The following PITPNC1 variants were observed in gnomAD, a reference collection of about 807,000 sequenced individuals.
PITPNC1 encodes phosphatidylinositol transfer protein cytoplasmic 1.
Under a neutral mutation model 44.7 loss-of-function variants are expected in PITPNC1, and 18 were observed. The observed-to-expected ratio is 0.40, with a 90% CI of 0.28 to 0.60. The LOEUF is 0.60. Among genes scored for constraint, PITPNC1 ranks in the 20% least tolerant of loss-of-function variants. The pLI, the probability that PITPNC1 is intolerant of heterozygous loss-of-function variation, is 0.39. For synonymous variants in PITPNC1, 141 were observed against 149.6 expected, an observed-to-expected ratio of 0.94 and a Z score of 0.42; for missense variants, 290 against 418.4, an observed-to-expected ratio of 0.69 and a Z score of 2.68.
intron 1 of PITPNC1, among the ~76,000 whole-genome samples, chr17:67,481,005 G>A (rs1291217443): frequency 6.6e-6 from 1 of 152,180 alleles, no homozygotes; most frequent in South Asian, 2.1e-4. Flanking sequence ...TCAGGAGTTC[G>A]AGACCAGCCT....
chr17:67,495,201 C>G (rs927471729), intron 1 of PITPNC1, among the ~76,000 whole-genome samples: 5 of 151,234 alleles, frequency 3.3e-5, no homozygotes, highest in African/African-American at 1.2e-4. Flanking sequence ...GGGCTACAGG[C>G]GCTCGCCACC....
chr17:67,469,824 G>T (rs2039488290), intron 1 of PITPNC1, among the ~76,000 whole-genome samples: 2 of 152,134 alleles, frequency 1.3e-5, no homozygotes, highest in South Asian at 4.2e-4. Flanking sequence ...CTATAGAGAG[G>T]CTCAGGAGGA....
intron 1 of PITPNC1, among the ~76,000 whole-genome samples, chr17:67,432,132 G>A (rs934368178): frequency 6.6e-6 from 1 of 152,162 alleles, no homozygotes; most frequent in Non-Finnish European, 1.5e-5. Flanking sequence ...TTTAGAACAT[G>A]GGTGTCCAAA....
chr17:67,419,153 G>C (rs1382869738), intron 1 of PITPNC1, among the ~76,000 whole-genome samples: 1 of 142,470 alleles, frequency 7.0e-6, no homozygotes, highest in East Asian at 1.9e-4. Context: ...AGCATGCTTG[G>C]GGGAGAAGGA....
chr17:67,445,314 GT>G (rs1166806980), intron 1 of PITPNC1, among the ~76,000 whole-genome samples: 1 of 151,974 alleles, frequency 6.6e-6, no homozygotes, highest in Non-Finnish European at 1.5e-5. Flanking sequence ...TTTATTCTGT[GT>G]TTTGGGAGGA....
intron 4 of PITPNC1, among the ~76,000 whole-genome samples, chr17:67,562,387 C>T (rs917574052): frequency 2.6e-5 from 4 of 152,066 alleles, no homozygotes; most frequent in Non-Finnish European, 5.9e-5. Context: ...TCCTCTCACC[C>T]TCCTCCACAT....
chr17:67,657,982 G>A (rs143535770), intron 6 of PITPNC1, among the ~76,000 whole-genome samples: 230 of 152,338 alleles, frequency 1.5e-3, no homozygotes, highest in Non-Finnish European at 2.7e-3. Flanking sequence ...CTCAAACTCA[G>A]CTGTCATTGA....
At chr17:67,666,715 C>T (rs1198270556) in intron 6 of PITPNC1, among the ~76,000 whole-genome samples, 1 of 152,146 alleles carries the variant, frequency 6.6e-6, no homozygotes, top group Admixed American at 6.5e-5. Context: ...CTGGCGTCAG[C>T]TGGCATGGAA....
At chr17:67,573,556 CTTTTTTT>C (rs35434515) in intron 4 of PITPNC1, among the ~76,000 whole-genome samples, 1 of 84,048 alleles carries the variant, frequency 1.2e-5, no homozygotes, top group South Asian at 4.4e-4. Context: ...ACTGAATACT[CTTTTTTT>C]TTTTTTTTTT....
intron 7 of PITPNC1, among the ~76,000 whole-genome samples, chr17:67,673,966 C>CAA (rs34458518): frequency 1.7e-3 from 141 of 84,722 alleles, no homozygotes; most frequent in South Asian, 3.0e-3. Flanking sequence ...GACTCCGTCT[C>CAA]AAAAAAAAAA....
At chr17:67,635,032 G>C (rs1430638384) in intron 6 of PITPNC1, among the ~76,000 whole-genome samples, 2 of 152,166 alleles carry the variant, frequency 1.3e-5, no homozygotes, top group East Asian at 1.9e-4. Context: ...ACAGTGAGCC[G>C]AGATGGCACC....
At chr17:67,669,332 T>C (rs2042474606) in intron 6 of PITPNC1, among the ~76,000 whole-genome samples, 176 bp from the exon 7 acceptor site, 1 of 152,188 alleles carries the variant, frequency 6.6e-6, no homozygotes, top group Non-Finnish European at 1.5e-5. Flanking sequence ...GTCAGGCTGG[T>C]CTTGAACTCC....
intron 5 of PITPNC1, among the ~76,000 whole-genome samples, chr17:67,615,239 C>T (rs1409650663): frequency 6.6e-6 from 1 of 152,218 alleles, no homozygotes; most frequent in Non-Finnish European, 1.5e-5. Context: ...GAACAAGTAA[C>T]GATTTGTTCC....
chr17:67,460,519 G>A (rs1056157842), intron 1 of PITPNC1, among the ~76,000 whole-genome samples: 1 of 151,812 alleles, frequency 6.6e-6, no homozygotes, highest in Non-Finnish European at 1.5e-5. Context: ...TGTCTCTCGG[G>A]CTCAAGCAAT....
intron 1 of PITPNC1, among the ~76,000 whole-genome samples, chr17:67,427,720 T>C (rs180989237): frequency 1.3e-5 from 2 of 152,162 alleles, no homozygotes; most frequent in African/African-American, 2.4e-5. Flanking sequence ...ATTTAACAAG[T>C]AGAAACAAAA....
intron 1 of PITPNC1, among the ~76,000 whole-genome samples, chr17:67,390,659 A>G (rs56276582): frequency 0.19 from 28,202 of 152,132 alleles, 3,274 homozygotes; most frequent in South Asian, 0.32. Flanking sequence ...CCTCATCTCA[A>G]TAGTGTCTGT....
At chr17:67,496,928 G>T (rs933374487) in intron 1 of PITPNC1, among the ~76,000 whole-genome samples, 2 of 150,728 alleles carry the variant, frequency 1.3e-5, no homozygotes, top group Non-Finnish European at 3.0e-5. Context: ...AAAAAAAAAA[G>T]TGCTGTTTTA....
At chr17:67,432,795 T>C (rs2038875730) in intron 1 of PITPNC1, among the ~76,000 whole-genome samples, 1 of 152,204 alleles carries the variant, frequency 6.6e-6, no homozygotes, top group Admixed American at 6.5e-5. Flanking sequence ...TACAGTGTGC[T>C]CTTTTGTGTA....
At chr17:67,509,361 A>G (rs2040149379) in intron 1 of PITPNC1, among the ~76,000 whole-genome samples, 2 of 151,018 alleles carry the variant, frequency 1.3e-5, no homozygotes, top group Admixed American at 6.6e-5. Context: ...GTGAAACCCC[A>G]TCTCTACTAA....
Sources: gnomAD v4.1 joint callset for allele counts (sites outside exome capture counted in the v4.1 genomes callset) on GRCh38, gnomAD v4.1.1 for gene constraint, MANE v1.5 for transcripts, NCBI Gene and HGNC (gene_info 2026-07-23, HGNC 2026-07-21) for gene names.